RCSD1: variants seen among roughly 807,000 people sequenced by gnomAD.
RCSD1 encodes RCSD domain containing 1.
In RCSD1, 26 loss-of-function variants were observed where a neutral mutation model predicts 42.5. The ratio of observed to expected loss-of-function variants is 0.61; its 90% CI spans 0.45 to 0.85. RCSD1 has a LOEUF of 0.85. Among genes scored for constraint, RCSD1 ranks in the 40% least tolerant of loss-of-function variants. RCSD1 has a pLI of 0.00. For missense variants in RCSD1, 571 were observed against 528.3 expected (o/e 1.08, Z -0.79); for synonymous variants, 220 against 212.2 (o/e 1.04, Z -0.32).
At chr1:167,661,599 A>C (rs1658544108) in intron 1 of RCSD1, among the ~76,000 whole-genome samples, 1 of 152,260 alleles carries the variant, frequency 6.6e-6, no homozygotes, top group Non-Finnish European at 1.5e-5. Context: ...CACAGCAGCC[A>C]CCATCCTGGG....
chr1:167,685,476 C>T lies in RCSD1; in HGVS notation c.164C>T (p.Pro55Leu). 1 of 1,613,988 alleles carries T rather than the reference C, an allele frequency of 6.2e-7. No homozygotes were observed. The highest frequency in any genetic ancestry group is 8.5e-7 in the Non-Finnish European group (1 of 1,179,948). ...RKPPCSLPLF[P>L]PKVDLGQNGE... The stretch of plus-strand genomic sequence containing the variant: ...CCGCCCTGTTCCCTCCCCCTGTTCC[C>T]CCCCAAGGTAGACCTGGGCCAGAAT... The change falls in exon 3 of 7, where the codon CCC (proline) becomes CTC (leucine). Residue 55 changes from proline (P) to leucine (L), a missense_variant. Transcript: ENST00000367854.
At chr1:167,700,946 G>A (rs537765999) in intron 6 of RCSD1, among the ~76,000 whole-genome samples, 3 of 152,336 alleles carry the variant, frequency 2.0e-5, no homozygotes, top group Non-Finnish European at 4.4e-5. Flanking sequence ...TGGTTGAAAA[G>A]CTAGTAGGGA....
At chr1:167,695,471 G>C (rs963076399) in intron 5 of RCSD1, among the ~76,000 whole-genome samples, 6 of 152,144 alleles carry the variant, frequency 3.9e-5, no homozygotes, top group Admixed American at 3.3e-4. Context: ...GGGGAACTAG[G>C]ATTGACAAAT....
chr1:167,631,647 G>C (rs1308894122), intron 1 of RCSD1, among the ~76,000 whole-genome samples: 5 of 152,148 alleles, frequency 3.3e-5, no homozygotes, highest in Non-Finnish European at 7.3e-5. Flanking sequence ...ACCATGCCTG[G>C]CTAGTTTTAA....
rs78915279 is a variant in RCSD1 at position 167,690,749 on chromosome 1, C to T, written c.270+629C>T. ...GCCATAAACACTTTGAAATAGCCAA[C>T]GCCTCTCTCCCAAGGCCTGAATGCA... On this transcript the variant is annotated intron_variant, in intron 4 of 6. Coordinates refer to ENST00000367854, the MANE Select transcript of RCSD1 (RefSeq NM_052862.4). 9.1e-3 allele frequency among the ~76,000 whole-genome samples: 1,381 copies of T among 152,244 alleles called. 23 individuals carry two copies. Among genetic ancestry groups the T allele is most frequent in the African/African-American group, 0.032 (1,332 of 41,556 alleles).
intron 6 of RCSD1, among the ~76,000 whole-genome samples, chr1:167,702,419 T>C (rs2101726466): frequency 6.6e-6 from 1 of 152,308 alleles, no homozygotes; most frequent in East Asian, 1.9e-4. Flanking sequence ...GGATTCTGTT[T>C]ATAAGGAAAA....
intron 1 of RCSD1, among the ~76,000 whole-genome samples, chr1:167,647,180 A>G (rs534514496): frequency 6.6e-6 from 1 of 152,012 alleles, no homozygotes; most frequent in Non-Finnish European, 1.5e-5. Context: ...TTACTTGTCC[A>G]TTAGGCACAT....
intron 1 of RCSD1, among the ~76,000 whole-genome samples, chr1:167,662,404 T>C (rs570015283): frequency 6.6e-6 from 1 of 152,282 alleles, no homozygotes; most frequent in South Asian, 2.1e-4. Flanking sequence ...TTGCTGTCTC[T>C]CTCTTTCTCT....
intron 1 of RCSD1, among the ~76,000 whole-genome samples, chr1:167,665,819 T>C (rs1010816829): frequency 2.7e-5 from 4 of 149,550 alleles, no homozygotes; most frequent in African/African-American, 7.3e-5. Flanking sequence ...ATGAGCACCT[T>C]TTTTTTTTTT....
chr1:167,679,298 C>T (rs1189375088), intron 1 of RCSD1, among the ~76,000 whole-genome samples: 1 of 152,202 alleles, frequency 6.6e-6, no homozygotes, highest in Non-Finnish European at 1.5e-5. Flanking sequence ...ATATCAAAGG[C>T]TGTAAGGACA....
chr1:167,690,289 C>A (rs1017616217), intron 4 of RCSD1, among the ~76,000 whole-genome samples, 169 bp downstream of exon 4: 4 of 152,146 alleles, frequency 2.6e-5, no homozygotes, highest in Non-Finnish European at 1.5e-5. Flanking sequence ...TCTCACAGCC[C>A]TGCCTGAGGG....
chr1:167,635,362 C>T (rs977641052), intron 1 of RCSD1, among the ~76,000 whole-genome samples: 1 of 152,180 alleles, frequency 6.6e-6, no homozygotes, highest in African/African-American at 2.4e-5. Flanking sequence ...CACACTGGCC[C>T]CCACTCAGCA....
At chr1:167,667,408 C>G (rs547527420) in intron 1 of RCSD1, among the ~76,000 whole-genome samples, 2 of 152,324 alleles carry the variant, frequency 1.3e-5, no homozygotes, top group South Asian at 4.1e-4. Flanking sequence ...TGCATTATAA[C>G]TTTCTTTTCT....
rs909795276 is a variant in RCSD1, at chr1:167,668,175, C to T, written c.7-15725C>T. 4.6e-5 allele frequency among the ~76,000 whole-genome samples: 7 copies of T among 152,014 alleles called. 1 individual carries two copies. Among genetic ancestry groups the T allele is most frequent in the Admixed American group, 2.0e-4 (3 of 15,262 alleles). ...AGTGTGGCACCTGTAATCCCAGCTA[C>T]TCGGGAGGCTGCGGCAGGAGAATCG... On this transcript the variant is annotated intron_variant, in intron 1 of 6. Transcript: ENST00000367854.
chr1:167,679,368 C>T (rs1289311718), intron 1 of RCSD1, among the ~76,000 whole-genome samples: 2 of 152,202 alleles, frequency 1.3e-5, no homozygotes, highest in Non-Finnish European at 2.9e-5. Flanking sequence ...CTACCTGGTT[C>T]CCAGTCCAGA....
chr1:167,637,754 AC>A (rs1471210423), intron 1 of RCSD1, among the ~76,000 whole-genome samples: 2 of 151,958 alleles, frequency 1.3e-5, no homozygotes, highest in African/African-American at 4.8e-5. Context: ...ACACACACAC[AC>A]ACACACACAC....
intron 6 of RCSD1, among the ~76,000 whole-genome samples, chr1:167,700,887 C>T (rs548632154): frequency 4.6e-5 from 7 of 152,258 alleles, no homozygotes; most frequent in Non-Finnish European, 8.8e-5. Context: ...AGAGACCTCC[C>T]CATCTCACTG....
intron 1 of RCSD1, 132 bp downstream of exon 1, chr1:167,630,561 G>T: frequency 9.9e-7 from 1 of 1,014,142 alleles, no homozygotes; most frequent in African/African-American, 1.7e-5. Context: ...AAGGGCAAAT[G>T]CCTGCTGTTC....
intron 1 of RCSD1, among the ~76,000 whole-genome samples, chr1:167,671,577 C>G (rs747836653): frequency 6.6e-6 from 1 of 152,202 alleles, no homozygotes; most frequent in Non-Finnish European, 1.5e-5. Context: ...TCTTCTGCCA[C>G]CTTCTGCAGG....
Sources: gnomAD v4.1 joint callset for allele counts (sites outside exome capture counted in the v4.1 genomes callset) on GRCh38, gnomAD v4.1.1 for gene constraint, MANE v1.5 for transcripts, NCBI Gene and HGNC (gene_info 2026-07-23, HGNC 2026-07-21) for gene names.